Variants in SNX6 observed in about 807,000 individuals in gnomAD.
SNX6 encodes sorting nexin 6.
Under a neutral mutation model 63.0 loss-of-function variants are expected in SNX6, and 34 were observed. That is an observed-to-expected ratio of 0.54 (90% CI 0.41 to 0.72). The LOEUF (loss-of-function observed/expected upper bound fraction) is 0.72. SNX6 is among the 30% of genes least tolerant of loss of function. The probability of loss-of-function intolerance (pLI) is 0.00; values close to 1 mark genes in which losing one functional copy is unlikely to be tolerated. For missense variants in SNX6, 398 were observed against 471.4 expected (o/e 0.84, Z 1.44); for synonymous variants, 170 against 164.2 (o/e 1.04, Z -0.27).
chr14:34,609,682 C>T lies in SNX6; in HGVS notation c.115G>A (p.Ala39Thr). 1 of 1,613,258 alleles carries T rather than the reference C, an allele frequency of 6.2e-7. No individual in the cohort carries two copies. The highest frequency in any genetic ancestry group is 1.3e-5 in the African/African-American group (1 of 74,998). ...TTTACTTTATCCCGCTCACTAAGAG[C>T]ATCAGAAATGTCCACCTGCAGAGCA... ...DAALQVDISDALSERDKVKFT... is the reference protein window; with the variant it reads ...DAALQVDISDTLSERDKVKFT... Residue 39 changes from alanine to threonine, a missense_variant, in exon 3 of 14, where the codon GCT (alanine) becomes ACT (threonine). Ala to Thr is a moderately conservative substitution (Grantham distance 58). Transcript: ENST00000362031.
intron 11 of SNX6, among the ~76,000 whole-genome samples, chr14:34,573,874 C>T (rs1322361986): frequency 6.6e-6 from 1 of 151,748 alleles, no homozygotes; most frequent in Non-Finnish European, 1.5e-5. Context: ...AACTGCTGAC[C>T]TTGTGATCCA....
chr14:34,604,104 A>G (rs909563261), intron 5 of SNX6: 2 of 1,200,376 alleles, frequency 1.7e-6, no homozygotes, highest in East Asian at 6.3e-5. Flanking sequence ...TCTTGCTTCA[A>G]CTACGTGCAA....
chr14:34,593,603 C>T (rs1267767334), intron 7 of SNX6, among the ~76,000 whole-genome samples: 2 of 147,480 alleles, frequency 1.4e-5, no homozygotes, highest in African/African-American at 2.5e-5. Context: ...GGCAAAGTCT[C>T]GCTCTGTCAC....
At chr14:34,621,137 G>A (rs1883606717) in intron 2 of SNX6, among the ~76,000 whole-genome samples, 2 of 151,832 alleles carry the variant, frequency 1.3e-5, no homozygotes, top group Admixed American at 1.3e-4. Flanking sequence ...TGTAGAGAGA[G>A]GATCTCTCTA....
rs187257640 is a variant in SNX6 at position 34,568,000 on chromosome 14, C to T, written c.935G>A (p.Arg312Gln). 15 of 1,611,356 alleles carry T rather than the reference C, an allele frequency of 9.3e-6. No individual in the cohort carries two copies. In the Admixed American group the frequency reaches 1.0e-4, roughly 11 times the overall value. The change falls in exon 12 of 14, where the codon CGA (arginine) becomes CAA (glutamine). Residue 312 changes from arginine to glutamine, a missense_variant. Arg to Gln is a conservative substitution (Grantham distance 43). Transcript: ENST00000362031. ...ESQAAKDLLYRRSRSLVDYEN... is the reference protein window; with the variant it reads ...ESQAAKDLLYQRSRSLVDYEN... Reference sequence around the variant, plus strand: ...ATAATCCACTAGTGACCTAGACCTTCGATACAGGAGATCCTATAAAACAGA... The same window carrying T: ...ATAATCCACTAGTGACCTAGACCTTTGATACAGGAGATCCTATAAAACAGA...
At chr14:34,612,160 T>C (rs964985535) in intron 2 of SNX6, among the ~76,000 whole-genome samples, 5 of 151,978 alleles carry the variant, frequency 3.3e-5, no homozygotes, top group African/African-American at 1.2e-4. Context: ...AGGCTGGTCT[T>C]GAACTCCCGA....
At chr14:34,569,615 T>C (rs1258179769) in intron 11 of SNX6, among the ~76,000 whole-genome samples, 1 of 151,958 alleles carries the variant, frequency 6.6e-6, no homozygotes, top group Non-Finnish European at 1.5e-5. Flanking sequence ...TTAGTAGAGA[T>C]GGGGATTCAC....
chr14:34,620,417 G>A (rs2138381692), intron 2 of SNX6, among the ~76,000 whole-genome samples: 1 of 152,158 alleles, frequency 6.6e-6, no homozygotes, highest in South Asian at 2.1e-4. Context: ...GGAGGTCGAG[G>A]CTGCAGTGAG....
rs758249002 is a variant in SNX6 at position 34,575,852 on chromosome 14, A to G, written c.835-10T>C. On this transcript the variant is annotated splice_polypyrimidine_tract_variant and intron_variant, in intron 10 of 13. Transcript: ENST00000362031. ...CTCGTGCTTCTATTTTCTGAAAAGA[A>G]GGAAAAAATTGAATATTTAATCAAC... 25 of 1,525,240 alleles carry G rather than the reference A, an allele frequency of 1.6e-5. No homozygotes were observed. Among genetic ancestry groups the G allele is most frequent in the Non-Finnish European group, 2.1e-5 (24 of 1,118,776 alleles). 94.5% of individuals were successfully genotyped at this position (1,525,240 alleles called of 1,614,324 possible).
chr14:34,584,109 A>C (rs959506104), intron 9 of SNX6, among the ~76,000 whole-genome samples: 3 of 152,006 alleles, frequency 2.0e-5, no homozygotes, highest in African/African-American at 7.2e-5. Context: ...GGCCTCCCAA[A>C]GTGCTGGGAT....
At chr14:34,628,431 T>C (rs1319979780) in intron 2 of SNX6, among the ~76,000 whole-genome samples, 1 of 151,832 alleles carries the variant, frequency 6.6e-6, no homozygotes, top group Non-Finnish European at 1.5e-5. Context: ...TGCACTCCAG[T>C]CTGGGTGACA....
intron 9 of SNX6, among the ~76,000 whole-genome samples, 159 bp downstream of exon 9, chr14:34,586,071 T>G (rs1212373428): frequency 6.6e-6 from 1 of 151,790 alleles, no homozygotes; most frequent in African/African-American, 2.4e-5. Context: ...CCTGGCTAAT[T>G]TTTGTATTTT....
chr14:34,630,061 C>CCGCTGCCCCCACCGCGCT lies in SNX6; in HGVS notation c.6+32_6+49dup, dbSNP rs1260121416. On this transcript the variant is annotated intron_variant, in intron 1 of 13. Coordinates refer to ENST00000362031, the MANE Select transcript of SNX6 (RefSeq NM_152233.4). Reference sequence around the variant, plus strand: ...CGCGGTCCCCGCGCCCGCCCCGCGCCCGCTGCCCCCACCGCGCTCCCGGGA... The same window carrying CCGCTGCCCCCACCGCGCT: ...CGCGGTCCCCGCGCCCGCCCCGCGCCCGCTGCCCCCACCGCGCTCGCTGCCCCCACCGCGCTCCCGGGA... The CCGCTGCCCCCACCGCGCT allele has an allele frequency of 2.0e-4, 287 of 1,459,238 alleles. 2 individuals are homozygous for CCGCTGCCCCCACCGCGCT. The highest frequency in any genetic ancestry group is 4.4e-4 in the Middle Eastern group (2 of 4,516). The allele number at this position is 1,459,238 out of a possible 1,614,324, so 90.4% of individuals were successfully genotyped here. A position where few individuals can be genotyped will look rare whatever the true frequency, so the allele number is the denominator to read the frequency against.
intron 4 of SNX6, among the ~76,000 whole-genome samples, chr14:34,606,832 G>A (rs1232400999): frequency 2.0e-5 from 3 of 152,060 alleles, no homozygotes; most frequent in Non-Finnish European, 4.4e-5. Flanking sequence ...AGGCTGGAGT[G>A]CAGTGGTGGG....
intron 9 of SNX6, among the ~76,000 whole-genome samples, chr14:34,585,279 G>A (rs1361118013): frequency 6.6e-6 from 1 of 152,058 alleles, no homozygotes; most frequent in Non-Finnish European, 1.5e-5. Flanking sequence ...CAGCACTTTG[G>A]GAGGCTGAGT....
intron 10 of SNX6, among the ~76,000 whole-genome samples, chr14:34,577,674 T>C (rs1271347553): frequency 6.6e-6 from 1 of 152,082 alleles, no homozygotes; most frequent in Non-Finnish European, 1.5e-5. Flanking sequence ...AAATGCAATA[T>C]ATGGGACCTT....
rs575343971 is a variant in SNX6 at position 34,619,873 on chromosome 14, TTTTA to T, written c.54+10030_54+10033del. Among the ~76,000 whole-genome samples, 582 of 152,200 alleles carry T rather than the reference TTTTA, an allele frequency of 3.8e-3. 1 individual carries two copies. Among genetic ancestry groups the T allele is most frequent in the African/African-American group, 0.013 (546 of 41,522 alleles). On this transcript the variant is annotated intron_variant, in intron 2 of 13. Transcript: ENST00000362031. The stretch of plus-strand genomic sequence containing the variant: ...TTCCCATACTCAGGATCTACTTATC[TTTTA>T]TTTATTTATTTTTTTATAGAGATGA...
At chr14:34,599,414 T>C (rs941388577) in intron 6 of SNX6, among the ~76,000 whole-genome samples, 4 of 152,032 alleles carry the variant, frequency 2.6e-5, no homozygotes, top group African/African-American at 9.7e-5. Context: ...AAAACTAGCC[T>C]TGAAGAACAT....
chr14:34,575,594 T>C (rs1039262294), intron 11 of SNX6, 162 bp downstream of exon 11: 12 of 364,508 alleles, frequency 3.3e-5, no homozygotes, highest in African/African-American at 2.6e-4. Context: ...TGTACAATTA[T>C]ACACATATAT....
Sources: allele counts gnomAD v4.1 joint callset (sites outside exome capture counted in the v4.1 genomes callset), GRCh38; gene constraint gnomAD v4.1.1; transcripts MANE v1.5; gene names NCBI Gene and HGNC (gene_info 2026-07-23, HGNC 2026-07-21).